MAGI2: variants seen among roughly 807,000 people sequenced by gnomAD.
MAGI2 encodes the protein membrane-associated guanylate kinase, WW and PDZ domain-containing protein 2.
A neutral mutation model predicts 133.3 loss-of-function variants in MAGI2; 35 were observed. That is an observed-to-expected ratio of 0.26 (90% CI 0.20 to 0.35). MAGI2 has a LOEUF of 0.35. Ranked by LOEUF, MAGI2 falls within the 10% of genes least tolerant of loss-of-function variation. The pLI, the probability that MAGI2 is intolerant of heterozygous loss-of-function variation, is 1.00. For synonymous variants in MAGI2, 729 were observed against 710.6 expected (o/e 1.03, Z -0.41); for missense variants, 1,636 against 1,863.4 (o/e 0.88, Z 2.25).
chr7:78,759,269 C>A (rs1009141163), intron 2 of MAGI2, among the ~76,000 whole-genome samples: 1 of 151,952 alleles, frequency 6.6e-6, no homozygotes, highest in Non-Finnish European at 1.5e-5. Flanking sequence ...CAAATTTGAA[C>A]ATCTGGCCTA....
At chr7:78,121,698 A>C (rs1820492234) in intron 20 of MAGI2, among the ~76,000 whole-genome samples, 1 of 152,200 alleles carries the variant, frequency 6.6e-6, no homozygotes, top group African/African-American at 2.4e-5. Context: ...AGGTAAGTTA[A>C]ATTTGTGCCC....
intron 2 of MAGI2, among the ~76,000 whole-genome samples, chr7:78,972,594 T>C (rs960365903): frequency 2.0e-5 from 3 of 151,980 alleles, no homozygotes; most frequent in Admixed American, 6.6e-5. Context: ...GTAGATTTCA[T>C]AGTAATTATT....
intron 2 of MAGI2, among the ~76,000 whole-genome samples, chr7:78,791,076 C>G (rs1827205465): frequency 6.6e-6 from 1 of 151,904 alleles, no homozygotes; most frequent in African/African-American, 2.4e-5. Flanking sequence ...TACTGGAAAG[C>G]AAAAATGGTA....
intron 1 of MAGI2, among the ~76,000 whole-genome samples, chr7:79,363,487 G>C (rs1842494102): frequency 6.6e-6 from 1 of 150,714 alleles, no homozygotes; most frequent in African/African-American, 2.4e-5. Flanking sequence ...TATATGGAAA[G>C]GCATAGCCCC....
chr7:78,290,700 A>C (rs1295391504), intron 9 of MAGI2, among the ~76,000 whole-genome samples: 1 of 152,240 alleles, frequency 6.6e-6, no homozygotes, highest in Non-Finnish European at 1.5e-5. Flanking sequence ...ACTTGGAAGT[A>C]AAGCACTCCT....
chr7:79,268,316 G>A (rs949172867), intron 1 of MAGI2, among the ~76,000 whole-genome samples: 1 of 152,138 alleles, frequency 6.6e-6, no homozygotes, highest in African/African-American at 2.4e-5. Flanking sequence ...TGACAACTCA[G>A]ATTTATACAG....
intron 21 of MAGI2, among the ~76,000 whole-genome samples, chr7:78,073,246 T>C (rs2151170426): frequency 6.6e-6 from 1 of 152,226 alleles, no homozygotes; most frequent in East Asian, 1.9e-4. Context: ...AAACCTATTA[T>C]ATTAAAGAAA....
rs1821725220 is a variant in MAGI2, at chr7:78,132,954, G to A, written c.3138C>T (p.Thr1046=). The part of the protein sequence containing the change: ...QSPLAQPSPA[T]PNSPIAQPAP... ...CTGGCTGGGCGATGGGGCTGTTGGG[G>A]GTGGCTGGGCTTGGCTGGGCCAGGG... The change falls in exon 18 of 22, where the codon ACC becomes ACT. Residue 1046 remains threonine, a synonymous_variant. Transcript: ENST00000354212. The A allele has an allele frequency of 1.2e-6, 2 of 1,613,666 alleles. No homozygotes were observed. The highest frequency in any genetic ancestry group is 1.3e-5 in the African/African-American group (1 of 74,876).
chr7:79,286,598 C>CAAAT (rs71518914), intron 1 of MAGI2, among the ~76,000 whole-genome samples: 7 of 151,374 alleles, frequency 4.6e-5, no homozygotes, highest in Non-Finnish European at 1.0e-4. Context: ...AGCTCAGAAA[C>CAAAT]AGCCCAAAAT....
At chr7:79,138,412 T>C (rs369291103) in intron 1 of MAGI2, among the ~76,000 whole-genome samples, 4 of 152,216 alleles carry the variant, frequency 2.6e-5, no homozygotes, top group Non-Finnish European at 5.9e-5. Flanking sequence ...TTCCAGTCCC[T>C]AAGTCCAAGT....
At chr7:78,946,510 T>C (rs1369965462) in intron 2 of MAGI2, among the ~76,000 whole-genome samples, 1 of 152,210 alleles carries the variant, frequency 6.6e-6, no homozygotes, top group Non-Finnish European at 1.5e-5. Context: ...GTACCTTATA[T>C]AGAAAGCCTC....
intron 9 of MAGI2, among the ~76,000 whole-genome samples, chr7:78,258,658 A>T (rs575141804): frequency 6.6e-6 from 1 of 152,280 alleles, no homozygotes; most frequent in Non-Finnish European, 1.5e-5. Flanking sequence ...ATCCCTGGAA[A>T]GTATTTTACA....
chr7:79,202,591 T>C (rs1828710555), intron 1 of MAGI2, among the ~76,000 whole-genome samples: 1 of 151,986 alleles, frequency 6.6e-6, no homozygotes, highest in South Asian at 2.1e-4. Context: ...GTTTCATACA[T>C]TATTTAATAA....
chr7:78,519,975 T>G (rs1796358787), intron 4 of MAGI2, among the ~76,000 whole-genome samples: 1 of 152,164 alleles, frequency 6.6e-6, no homozygotes, highest in Non-Finnish European at 1.5e-5. Context: ...ATTATATAAT[T>G]AAAAGCAAAT....
chr7:79,183,985 G>T lies in MAGI2; in HGVS notation c.302-176779C>A, dbSNP rs144924997. Among the ~76,000 whole-genome samples, 282 of 151,568 alleles carry T rather than the reference G, an allele frequency of 1.9e-3. 3 individuals are homozygous for T. The highest frequency in any genetic ancestry group is 6.6e-3 in the African/African-American group (272 of 41,272). On this transcript the variant is annotated intron_variant, in intron 1 of 21. Transcript: ENST00000354212. ...AATGATGGGTACCAGAGTATGGGGG[G>T]AGATGAGAGTGGGGGAAAGCAGAGA...
intron 9 of MAGI2, among the ~76,000 whole-genome samples, chr7:78,340,062 A>G (rs1790196833): frequency 1.3e-5 from 2 of 152,192 alleles, no homozygotes; most frequent in Admixed American, 1.3e-4. Flanking sequence ...AAACCCATGG[A>G]AGAACAATTC....
At position 78,639,623 on chromosome 7, in the gene MAGI2, CTTACT is replaced by C. The variant is rs201091504; in HGVS notation, c.419-12389_419-12385del. ...GAACAAAAATTCACAACTCAGCTTC[CTTACT>C]TTAAAAAAATTACAGAATTGGGGAT... On this transcript the variant is annotated intron_variant, in intron 2 of 21. Coordinates refer to ENST00000354212, the MANE Select transcript of MAGI2 (RefSeq NM_012301.4). 4.0e-4 allele frequency among the ~76,000 whole-genome samples: 61 copies of C among 152,236 alleles called. 1 individual carries two copies. In the East Asian group the frequency reaches 0.011, roughly 27 times the overall value.
At chr7:78,091,909 A>G (rs1440335768) in intron 20 of MAGI2, among the ~76,000 whole-genome samples, 1 of 152,230 alleles carries the variant, frequency 6.6e-6, no homozygotes, top group Non-Finnish European at 1.5e-5. Context: ...GGTTCATTTA[A>G]GCATGAGTAG....
chr7:79,079,753 C>T (rs1489580310), intron 1 of MAGI2, among the ~76,000 whole-genome samples: 2 of 152,034 alleles, frequency 1.3e-5, no homozygotes, highest in Non-Finnish European at 2.9e-5. Context: ...ACTATAGATA[C>T]TGACACTTTT....
Sources: allele counts gnomAD v4.1 joint callset (sites outside exome capture counted in the v4.1 genomes callset), GRCh38; gene constraint gnomAD v4.1.1; transcripts MANE v1.5; gene names NCBI Gene and HGNC (gene_info 2026-07-23, HGNC 2026-07-21).